Variants in CMSS1 observed in about 807,000 individuals in gnomAD.
The protein encoded by CMSS1 is cms1 ribosomal small subunit homolog, also known as protein CMSS1.
CMSS1 carries 33 observed loss-of-function variants against 43.5 expected under a neutral mutation model. The ratio of observed to expected loss-of-function variants is 0.76; its 90% CI spans 0.57 to 1.01. The LOEUF (loss-of-function observed/expected upper bound fraction) is 1.01. CMSS1 is among the 50% of genes least tolerant of loss of function. CMSS1 has a pLI of 0.00. For synonymous variants in CMSS1, 115 were observed against 117.2 expected (o/e 0.98, Z 0.12); for missense variants, 313 against 326.4 (o/e 0.96, Z 0.32).
intron 1 of CMSS1, among the ~76,000 whole-genome samples, chr3:99,889,714 C>T (rs1472923078): frequency 1.3e-5 from 2 of 151,626 alleles, no homozygotes; most frequent in Non-Finnish European, 2.9e-5. Context: ...TACTGTATTC[C>T]TATTCTATTA....
intron 1 of CMSS1, chr3:99,929,905 G>T (rs563658045): frequency 6.2e-7 from 1 of 1,613,832 alleles, no homozygotes. Flanking sequence ...GGTAGATTTC[G>T]CTTGAAAAGC....
At chr3:99,938,150 A>C (rs1335449696) in intron 1 of CMSS1, among the ~76,000 whole-genome samples, 3 of 152,146 alleles carry the variant, frequency 2.0e-5, no homozygotes, top group Non-Finnish European at 4.4e-5. Flanking sequence ...CTTACTGGAA[A>C]TCTCCATTTA....
chr3:99,845,713 A>G (rs149022997), intron 1 of CMSS1, among the ~76,000 whole-genome samples: 7 of 152,350 alleles, frequency 4.6e-5, no homozygotes, highest in Non-Finnish European at 7.3e-5. Flanking sequence ...GTGTAATTCT[A>G]TAGAAAAAAA....
intron 1 of CMSS1, among the ~76,000 whole-genome samples, chr3:99,877,061 A>G (rs1033232034): frequency 2.0e-5 from 3 of 152,232 alleles, no homozygotes; most frequent in African/African-American, 7.2e-5. Context: ...AGTATGGGGT[A>G]GATTTACTTG....
At chr3:100,064,285 C>G (rs2065623395) in intron 1 of CMSS1, among the ~76,000 whole-genome samples, 1 of 152,122 alleles carries the variant, frequency 6.6e-6, no homozygotes, top group Non-Finnish European at 1.5e-5. Flanking sequence ...GTTTAACTTA[C>G]TAATAGACAA....
intron 1 of CMSS1, among the ~76,000 whole-genome samples, chr3:100,066,519 T>TAAACCACCCAGGGACCAGACCAAC (rs2065667097): frequency 6.9e-5 from 1 of 14,542 alleles, no homozygotes; most frequent in Non-Finnish European, 1.6e-4. Context: ...CTTTGCTTCT[T>TAAACCACCCAGGGACCAGACCAAC]TTTTTTTTTT....
chr3:99,905,141 A>C (rs1325728742), intron 1 of CMSS1, among the ~76,000 whole-genome samples: 1 of 152,178 alleles, frequency 6.6e-6, no homozygotes, highest in Non-Finnish European at 1.5e-5. Context: ...CTTCCTAGAT[A>C]GCTTATCCCC....
At chr3:100,048,846 C>CTATACTT in intron 1 of CMSS1, among the ~76,000 whole-genome samples, 1 of 152,236 alleles carries the variant, frequency 6.6e-6, no homozygotes, top group South Asian at 2.1e-4. Flanking sequence ...AAAAAAAAAT[C>CTATACTT]TGTTGTGCAG....
chr3:99,971,073 C>G (rs902266486), intron 1 of CMSS1, among the ~76,000 whole-genome samples: 10 of 152,152 alleles, frequency 6.6e-5, no homozygotes, highest in Admixed American at 2.0e-4. Context: ...CGTGGTGGCT[C>G]ACGCCTGTAA....
intron 1 of CMSS1, among the ~76,000 whole-genome samples, chr3:100,027,415 A>C (rs2064945562): frequency 6.6e-6 from 1 of 152,176 alleles, no homozygotes; most frequent in Non-Finnish European, 1.5e-5. Context: ...CAATAGGCCA[A>C]ACCTGGGCTG....
At chr3:99,913,081 C>G (rs1347261428) in intron 1 of CMSS1, among the ~76,000 whole-genome samples, 1 of 151,994 alleles carries the variant, frequency 6.6e-6, no homozygotes, top group Non-Finnish European at 1.5e-5. Flanking sequence ...CGTGAGGAAA[C>G]AAGGAGACGA....
intron 1 of CMSS1, among the ~76,000 whole-genome samples, chr3:99,819,656 G>A (rs889170863): frequency 5.9e-5 from 9 of 152,040 alleles, no homozygotes; most frequent in East Asian, 1.9e-4. Context: ...CGCTTTTCCC[G>A]CTACTACTTT....
At chr3:100,137,355 C>A (rs1327320600) in intron 1 of CMSS1, among the ~76,000 whole-genome samples, 1 of 152,020 alleles carries the variant, frequency 6.6e-6, no homozygotes, top group Non-Finnish European at 1.5e-5. Flanking sequence ...AAAAATAGAG[C>A]CACAACATGA....
At chr3:100,004,812 A>C (rs182695984) in intron 1 of CMSS1, among the ~76,000 whole-genome samples, 12 of 152,344 alleles carry the variant, frequency 7.9e-5, no homozygotes, top group Admixed American at 2.0e-4. Flanking sequence ...TGAGATTCTT[A>C]ATGTTTGAGT....
intron 1 of CMSS1, among the ~76,000 whole-genome samples, chr3:99,827,024 T>C (rs551551851): frequency 9.9e-5 from 15 of 152,200 alleles, no homozygotes; most frequent in Non-Finnish European, 1.8e-4. Flanking sequence ...GGAGGAAAGA[T>C]GCTTTATATT....
chr3:100,176,465 T>C, intron 9 of CMSS1, 50 bp downstream of exon 9: 3 of 1,247,994 alleles, frequency 2.4e-6, no homozygotes, highest in South Asian at 1.2e-5. Context: ...CTATTTGAAC[T>C]TGGTTCAAAC....
chr3:100,102,159 T>A (rs2066319578), intron 1 of CMSS1, among the ~76,000 whole-genome samples: 1 of 152,218 alleles, frequency 6.6e-6, no homozygotes, highest in South Asian at 2.1e-4. Context: ...CTGGGTCAAA[T>A]GGTATTTCTA....
chr3:99,991,938 G>A (rs1354721120), intron 1 of CMSS1, among the ~76,000 whole-genome samples: 1 of 146,826 alleles, frequency 6.8e-6, no homozygotes, highest in Non-Finnish European at 1.5e-5. Flanking sequence ...ACATATGTAT[G>A]TGTATATATG....
At chr3:99,862,763 C>G (rs1257430727) in intron 1 of CMSS1, among the ~76,000 whole-genome samples, 1 of 152,196 alleles carries the variant, frequency 6.6e-6, no homozygotes, top group East Asian at 1.9e-4. Flanking sequence ...GCCTGTATAA[C>G]TCTTCTTAAT....
Sources: allele counts gnomAD v4.1 joint callset (sites outside exome capture counted in the v4.1 genomes callset), GRCh38; gene constraint gnomAD v4.1.1; transcripts MANE v1.5; gene names NCBI Gene and HGNC (gene_info 2026-07-23, HGNC 2026-07-21).